GABRB2: variants seen among roughly 807,000 people sequenced by gnomAD.
The protein encoded by GABRB2 is gamma-aminobutyric acid type A receptor subunit beta2.
A neutral mutation model predicts 54.7 loss-of-function variants in GABRB2; 16 were observed. That is an observed-to-expected ratio of 0.29 (90% CI 0.20 to 0.44). The LOEUF is 0.44. Ranked by LOEUF, GABRB2 falls within the 20% of genes least tolerant of loss-of-function variation. The pLI is 1.00. For synonymous variants in GABRB2, 244 were observed against 233.8 expected (o/e 1.04, Z -0.40); for missense variants, 355 against 644.0 (o/e 0.55, Z 4.86).
At chr5:161,363,603 G>C (rs1179301349) in intron 5 of GABRB2, among the ~76,000 whole-genome samples, 2 of 152,180 alleles carry the variant, frequency 1.3e-5, no homozygotes, top group African/African-American at 4.8e-5. Flanking sequence ...TAAGGAGGCT[G>C]AGGCAGGAGG....
intron 3 of GABRB2, among the ~76,000 whole-genome samples, chr5:161,498,427 T>G (rs565009998): frequency 1.3e-5 from 2 of 152,212 alleles, no homozygotes; most frequent in African/African-American, 2.4e-5. Context: ...ATGCTGGAGC[T>G]GAAATGACCC....
At chr5:161,443,872 C>T (rs1158065755) in intron 4 of GABRB2, among the ~76,000 whole-genome samples, 1 of 152,114 alleles carries the variant, frequency 6.6e-6, no homozygotes, top group Non-Finnish European at 1.5e-5. Context: ...TAAATTAACC[C>T]TTAATGAATC....
chr5:161,491,872 C>G (rs1561669846), intron 3 of GABRB2, among the ~76,000 whole-genome samples: 1 of 151,598 alleles, frequency 6.6e-6, no homozygotes, highest in Non-Finnish European at 1.5e-5. Context: ...GCCTCATGAA[C>G]AGAACCAAAA....
At position 161,331,126 on chromosome 5, in the gene GABRB2, T is replaced by A; in HGVS notation, c.834A>T (p.Gly278=). ...YDASAARVAL[G]ITTVLTMTTI... ...TGGTCATTGTGAGGACAGTTGTGATTCCTGAAAAAAAATGGGAGAGTTAGA... is the reference window on the plus strand; with the variant it reads ...TGGTCATTGTGAGGACAGTTGTGATACCTGAAAAAAAATGGGAGAGTTAGA... Residue 278 remains glycine, a splice_region_variant and synonymous_variant, in exon 8 of 10, where the codon GGA becomes GGT. Transcript: ENST00000393959. The A allele has an allele frequency of 6.5e-7, 1 of 1,541,132 alleles. No individual in the cohort carries two copies. The highest frequency in any genetic ancestry group is 2.1e-5 in the Admixed American group (1 of 48,010).
At position 161,331,399 on chromosome 5, in the gene GABRB2, G is replaced by T. The variant is rs41298408; in HGVS notation, c.833-272C>A. ...TGCGGGGTTAAAACGTGAATTAAAT[G>T]CTATGATGGGCACATGTGTAAGGTA... On this transcript the variant is annotated intron_variant, in intron 7 of 9. Transcript: ENST00000393959. 2.6e-3 allele frequency among the ~76,000 whole-genome samples: 392 copies of T among 152,230 alleles called. 3 individuals carry two copies. The highest frequency in any genetic ancestry group is 9.2e-3 in the African/African-American group (381 of 41,530).
intron 4 of GABRB2, among the ~76,000 whole-genome samples, chr5:161,424,213 A>G (rs1756931788): frequency 6.6e-6 from 1 of 152,186 alleles, no homozygotes; most frequent in Admixed American, 6.6e-5. Context: ...AGCTAAGGTA[A>G]TCAATGAAGG....
At chr5:161,424,809 CA>C (rs2113155918) in intron 4 of GABRB2, among the ~76,000 whole-genome samples, 1 of 152,158 alleles carries the variant, frequency 6.6e-6, no homozygotes, top group East Asian at 1.9e-4. Context: ...TGGATCCAGG[CA>C]AAGTAAATTG....
At chr5:161,492,880 C>T (rs1759124050) in intron 3 of GABRB2, among the ~76,000 whole-genome samples, 1 of 151,662 alleles carries the variant, frequency 6.6e-6, no homozygotes, top group East Asian at 1.9e-4. Flanking sequence ...ATTTCTACCT[C>T]GTATTCTATT....
intron 5 of GABRB2, among the ~76,000 whole-genome samples, chr5:161,397,040 T>C (rs1018441932): frequency 1.3e-5 from 2 of 152,208 alleles, no homozygotes; most frequent in African/African-American, 4.8e-5. Context: ...TTGCTCATCT[T>C]ACATTGAAGA....
rs1435131889 is a variant in GABRB2 at position 161,298,060 on chromosome 5, T to C, written c.1192-3632A>G. 2.0e-5 allele frequency among the ~76,000 whole-genome samples: 3 copies of C among 152,244 alleles called. No homozygotes were observed. In the East Asian group the frequency reaches 5.8e-4, roughly 29 times the overall value. The stretch of plus-strand genomic sequence containing the variant: ...GATGATGAGCTTTTTTTCACGTTTG[T>C]TGGCCACATAAATGTCTTCTTTTGG... On this transcript the variant is annotated intron_variant, in intron 9 of 9. Transcript: ENST00000393959.
intron 3 of GABRB2, among the ~76,000 whole-genome samples, chr5:161,532,418 T>C (rs1581063720): frequency 6.6e-6 from 1 of 152,044 alleles, no homozygotes; most frequent in Admixed American, 6.6e-5. Context: ...CTACTATTCC[T>C]AAAACAGCGA....
At chr5:161,490,066 A>G (rs1287884582) in intron 3 of GABRB2, among the ~76,000 whole-genome samples, 1 of 151,684 alleles carries the variant, frequency 6.6e-6, no homozygotes, top group East Asian at 1.9e-4. Flanking sequence ...AATCTGCCCT[A>G]CATATAAATG....
chr5:161,371,732 T>C (rs968135867), intron 5 of GABRB2, among the ~76,000 whole-genome samples: 2 of 152,042 alleles, frequency 1.3e-5, no homozygotes, highest in African/African-American at 2.4e-5. Context: ...TTTTTTTTTA[T>C]TGTTTTTGAG....
intron 8 of GABRB2, among the ~76,000 whole-genome samples, chr5:161,327,464 T>C (rs1405406521): frequency 6.6e-6 from 1 of 152,202 alleles, no homozygotes; most frequent in African/African-American, 2.4e-5. Context: ...ATCAGAACTT[T>C]TAAAAGCTTG....
chr5:161,352,190 T>C lies in GABRB2; in HGVS notation c.542-15421A>G, dbSNP rs185538923. On this transcript the variant is annotated intron_variant, in intron 5 of 9. Coordinates refer to ENST00000393959, the MANE Select transcript of GABRB2 (RefSeq NM_001371727.1). The stretch of plus-strand genomic sequence containing the variant: ...AACTACCATATATATGACCCAGCGA[T>C]TGCACTACTGGGTATATATACAAAG... Among the ~76,000 whole-genome samples, 24 of 152,090 alleles carry C rather than the reference T, an allele frequency of 1.6e-4. No individual in the cohort carries two copies. The East Asian group carries it at 4.5e-3, about 28-fold the overall frequency.
In GABRB2 at chr5:161,459,857, G is replaced by T; in HGVS notation, c.238-13C>A. On this transcript the variant is annotated splice_polypyrimidine_tract_variant and intron_variant, in intron 3 of 9. Coordinates refer to ENST00000393959, the MANE Select transcript of GABRB2 (RefSeq NM_001371727.1). ...TCAAGGTATAATCCTGTAAATGTGA[G>T]AAAAAAAAACATGGTTAGTTTACAC... is the stretch of plus-strand genomic sequence containing the variant. 6.6e-7 allele frequency: 1 copy of T among 1,510,700 alleles called. No homozygotes were observed. The highest frequency in any genetic ancestry group is 9.1e-7 in the Non-Finnish European group (1 of 1,101,948). The allele number at this position is 1,510,700 out of a possible 1,614,324, so 93.6% of individuals were successfully genotyped here. A position where few individuals can be genotyped will look rare whatever the true frequency, so the allele number is the denominator to read the frequency against.
chr5:161,521,963 G>C, intron 3 of GABRB2, among the ~76,000 whole-genome samples: 1 of 151,850 alleles, frequency 6.6e-6, no homozygotes, highest in Non-Finnish European at 1.5e-5. Flanking sequence ...AATCAGAGAA[G>C]ATTGAGTTGC....
In GABRB2 at chr5:161,502,465, G is replaced by T. The variant is rs112310074; in HGVS notation, c.238-42621C>A. 8.6e-3 allele frequency among the ~76,000 whole-genome samples: 1,311 copies of T among 151,932 alleles called. 19 individuals carry two copies. The highest frequency in any genetic ancestry group is 0.03 in the African/African-American group (1,230 of 41,414). Reference sequence around the variant, plus strand: ...GATGAAAACATATTTCTAACTTCTGGTTCTGACTATGAGGAGTATGAGAAT... The same window carrying T: ...GATGAAAACATATTTCTAACTTCTGTTTCTGACTATGAGGAGTATGAGAAT... On this transcript the variant is annotated intron_variant, in intron 3 of 9. Transcript: ENST00000393959.
intron 9 of GABRB2, among the ~76,000 whole-genome samples, chr5:161,300,284 A>G (rs1257088508): frequency 3.3e-5 from 5 of 152,236 alleles, no homozygotes; most frequent in Admixed American, 6.5e-5. Context: ...GTTAAATTCA[A>G]TAGCAATTAT....
Sources: gnomAD v4.1 joint callset for allele counts (sites outside exome capture counted in the v4.1 genomes callset) on GRCh38, gnomAD v4.1.1 for gene constraint, MANE v1.5 for transcripts, NCBI Gene and HGNC (gene_info 2026-07-23, HGNC 2026-07-21) for gene names.